The following NOBOX variants were observed in gnomAD, a reference collection of about 807,000 sequenced individuals.
The protein encoded by NOBOX is NOBOX oogenesis homeobox.
A neutral mutation model predicts 60.2 loss-of-function variants in NOBOX; 46 were observed. The observed-to-expected ratio is 0.76, with a 90% CI of 0.60 to 0.98. NOBOX has a LOEUF of 0.98. Among genes scored for constraint, NOBOX ranks in the 50% least tolerant of loss-of-function variants. The pLI, the probability that NOBOX is intolerant of heterozygous loss-of-function variation, is 0.00. For synonymous variants in NOBOX, 360 were observed against 346.3 expected, an observed-to-expected ratio of 1.04 and a Z score of -0.44; for missense variants, 880 against 865.5, an observed-to-expected ratio of 1.02 and a Z score of -0.21.
chr7:144,399,182 G>A lies in NOBOX; in HGVS notation c.1241-4C>T, dbSNP rs922939191. Reference sequence around the variant, plus strand: ...GAAGTCAGCAGCATGGGGGGCTCTAGGAACAGAAGGCAAAGAGGTGCTATA... The same window carrying A: ...GAAGTCAGCAGCATGGGGGGCTCTAAGAACAGAAGGCAAAGAGGTGCTATA... On this transcript the variant is annotated splice_region_variant and splice_polypyrimidine_tract_variant and intron_variant, in intron 7 of 9. Transcript: ENST00000467773. 3 of 1,461,236 alleles carry A rather than the reference G, an allele frequency of 2.1e-6. No individual in the cohort carries two copies. The highest frequency in any genetic ancestry group is 1.2e-5 in the South Asian group (1 of 80,208). 90.5% of individuals were successfully genotyped at this position (1,461,236 alleles called of 1,614,324 possible).
intron 1 of NOBOX, among the ~76,000 whole-genome samples, chr7:144,406,173 C>T (rs1480443969): frequency 1.3e-5 from 2 of 152,228 alleles, no homozygotes; most frequent in Non-Finnish European, 2.9e-5. Context: ...CCAAATTGCC[C>T]ATAGGCTGTA....
At chr7:144,403,874 G>A (rs2053963392) in intron 2 of NOBOX, among the ~76,000 whole-genome samples, 181 bp from the exon 1 acceptor site, 2 of 151,874 alleles carry the variant, frequency 1.3e-5, no homozygotes, top group African/African-American at 4.8e-5. Context: ...GGGAGGCTCG[G>A]CTGGGGCAGC....
chr7:144,404,548 C>A lies in NOBOX; in HGVS notation c.210+8G>T, dbSNP rs945639518. On this transcript the variant is annotated splice_region_variant and intron_variant, in intron 2 of 9. Coordinates refer to ENST00000467773, the MANE Select transcript of NOBOX (RefSeq NM_001080413.3). The stretch of plus-strand genomic sequence containing the variant: ...ACAGGCGTGAGCCACAGCGCTCGCC[C>A]CCCGTACTGATTTGAGGGTCTCCAG... The A allele has an allele frequency of 6.2e-7, 1 of 1,612,744 alleles. No individual in the cohort carries two copies. The highest frequency in any genetic ancestry group is 8.5e-7 in the Non-Finnish European group (1 of 1,179,128).
chr7:144,406,989 T>C (rs2128863562), intron 1 of NOBOX, among the ~76,000 whole-genome samples: 1 of 150,644 alleles, frequency 6.6e-6, no homozygotes, highest in African/African-American at 2.4e-5. Context: ...GGGAGGTATT[T>C]TTTTTTAATT....
Position 144,399,049 on chromosome 7 carries a change from A to C in NOBOX, c.1370T>G (p.Leu457Arg). The C allele has an allele frequency of 3.2e-6, 5 of 1,579,056 alleles. No individual in the cohort carries two copies. Among genetic ancestry groups the C allele is most frequent in the Non-Finnish European group, 4.3e-6 (5 of 1,157,854 alleles). ...CAGTTGGGGGGTGTGGACAGGGCCA[A>C]GGGGGAAAGGAAGATCGGCCCTTCG... The change falls in exon 8 of 10, where the codon CTT becomes CGT. Residue 457 changes from leucine (L) to arginine (R), a missense_variant. By Grantham distance (102) the Leu-to-Arg change is moderately radical (BLOSUM62 -2). Transcript: ENST00000467773.
At chr7:144,400,624 G>A (rs1195348865) in intron 4 of NOBOX, among the ~76,000 whole-genome samples, 1 of 152,166 alleles carries the variant, frequency 6.6e-6, no homozygotes, top group African/African-American at 2.4e-5. Context: ...TGCAACCTCT[G>A]CCTCCCAGGT....
chr7:144,404,564 G>C lies in NOBOX; in HGVS notation c.202C>G (p.Leu68Val), dbSNP rs758931164. 2 of 1,612,972 alleles carry C rather than the reference G, an allele frequency of 1.2e-6. No homozygotes were observed. The stretch of plus-strand genomic sequence containing the variant: ...GCGCTCGCCCCCCGTACTGATTTGA[G>C]GGTCTCCAGAGCACAAAGGCTGCAC... Residue 68 changes from leucine (L) to valine (V), a missense_variant, in exon 2 of 10, where the codon CTC (leucine) becomes GTC (valine). Coordinates refer to ENST00000467773, the MANE Select transcript of NOBOX (RefSeq NM_001080413.3).
At chr7:144,409,683 G>A (rs1041119792) in intron 1 of NOBOX, among the ~76,000 whole-genome samples, 12 of 152,108 alleles carry the variant, frequency 7.9e-5, no homozygotes, top group Admixed American at 3.9e-4. Flanking sequence ...AATACAGCTT[G>A]CATATTTTTC....
intron 2 of NOBOX, chr7:144,404,422 T>G (rs1293211369): frequency 1.6e-5 from 12 of 744,468 alleles, no homozygotes; most frequent in Non-Finnish European, 2.2e-5. Flanking sequence ...TAATTTTTTG[T>G]ATTTTTAGTA....
Position 144,401,995 on chromosome 7 carries a change from T to A in NOBOX, c.211-45A>T. 7.0e-7 allele frequency: 1 copy of A among 1,421,942 alleles called. No individual in the cohort carries two copies. The highest frequency in any genetic ancestry group is 9.9e-7 in the Non-Finnish European group (1 of 1,006,574). The allele number at this position is 1,421,942 out of a possible 1,614,324, so 88.1% of individuals were successfully genotyped here. A position where few individuals can be genotyped will look rare whatever the true frequency, so the allele number is the denominator to read the frequency against. ...ACAAAGAGAAACAGATTGACAGAGA[T>A]TCTGCTTCTCCCAAGGCGGGATGCT... is the stretch of plus-strand genomic sequence containing the variant. On this transcript the variant is annotated intron_variant, in intron 2 of 9. Transcript: ENST00000467773. The surrounding 1 kb of genome is among the most constrained non-coding windows in gnomAD (Gnocchi z 4.2).
chr7:144,398,656 G>A, intron 8 of NOBOX, 70 bp from the exon 7 acceptor site: 8 of 1,153,510 alleles, frequency 6.9e-6, no homozygotes, highest in Non-Finnish European at 8.7e-6. Context: ...CACAGTAGCG[G>A]AGTCCCTACC....
intron 2 of NOBOX, 143 bp from the exon 1 acceptor site, chr7:144,403,836 A>C (rs1449836809): frequency 2.4e-5 from 8 of 338,998 alleles, no homozygotes; most frequent in East Asian, 5.3e-5. Flanking sequence ...CCTCACCCCC[A>C]CCCCCACCCC....
Position 144,410,154 on chromosome 7 carries a change from T to C in NOBOX, c.74A>G (p.Lys25Arg). The C allele has an allele frequency of 1.3e-6, 2 of 1,565,050 alleles. No individual in the cohort carries two copies. Among genetic ancestry groups the C allele is most frequent in the Non-Finnish European group, 1.7e-6 (2 of 1,152,954 alleles). ...GGACATGAGCTCACCCTCCTGGGCTTTGAAGCCATCCTTGTCTCTGGTGTC... is the reference window on the plus strand; with the variant it reads ...GGACATGAGCTCACCCTCCTGGGCTCTGAAGCCATCCTTGTCTCTGGTGTC... Residue 25 changes from lysine to arginine, a missense_variant, in exon 1 of 10, where the codon AAA (lysine) becomes AGA (arginine). Lys to Arg is a conservative substitution (Grantham distance 26, BLOSUM62 2). Transcript: ENST00000467773.
intron 9 of NOBOX, among the ~76,000 whole-genome samples, chr7:144,397,786 T>C (rs1156328751): frequency 6.6e-6 from 1 of 152,108 alleles, no homozygotes; most frequent in Admixed American, 6.5e-5. Context: ...CCAATGCTGT[T>C]TCGTACATGC....
rs1230786236 is a variant in NOBOX, at chr7:144,398,641, C to T, written c.1470-55G>A. ...TGCAGGGGTGGGGGAGCTCCCCGTT[C>T]CTACCACAGTAGCGGAGTCCCTACC... On this transcript the variant is annotated intron_variant, in intron 8 of 9. Coordinates refer to ENST00000467773, the MANE Select transcript of NOBOX (RefSeq NM_001080413.3). 4 of 1,259,508 alleles carry T rather than the reference C, an allele frequency of 3.2e-6. No individual in the cohort carries two copies. The African/African-American group carries it at 4.4e-5, about 14-fold the overall frequency. The allele number at this position is 1,259,508 out of a possible 1,614,324, so 78.0% of individuals were successfully genotyped here.
In NOBOX at chr7:144,399,197, G is replaced by C. The variant is rs765327431; in HGVS notation, c.1241-19C>G. The C allele has an allele frequency of 7.9e-7, 1 of 1,264,506 alleles. No homozygotes were observed. The highest frequency in any genetic ancestry group is 1.8e-5 in the Admixed American group (1 of 54,926). 78.3% of individuals were successfully genotyped at this position (1,264,506 alleles called of 1,614,324 possible). On this transcript the variant is annotated intron_variant, in intron 7 of 9. Transcript: ENST00000467773. The stretch of plus-strand genomic sequence containing the variant: ...GGGGGCTCTAGGAACAGAAGGCAAA[G>C]AGGTGCTATAACGGTAAGGAAATGG...
chr7:144,398,356 C>T lies in NOBOX; in HGVS notation c.1700G>A (p.Gly567Glu). 1 of 1,537,270 alleles carries T rather than the reference C, an allele frequency of 6.5e-7. No individual in the cohort carries two copies. Among genetic ancestry groups the T allele is most frequent in the Non-Finnish European group, 8.7e-7 (1 of 1,146,920 alleles). Residue 567 changes from glycine to glutamate, a missense_variant, in exon 9 of 10, where the codon GGG (glycine) becomes GAG (glutamate). Transcript: ENST00000467773. ...TGGGCAATAGCCCTGCGATGTGCCC[C>T]CGCTGGGGCCACAGGGAAACATAAA...
chr7:144,402,931 A>G (rs1271763762), intron 2 of NOBOX, among the ~76,000 whole-genome samples: 1 of 151,728 alleles, frequency 6.6e-6, no homozygotes, highest in Non-Finnish European at 1.5e-5. Flanking sequence ...TAATTTTTGT[A>G]TTTTTAGTAG....
chr7:144,401,684 C>A lies in NOBOX; in HGVS notation c.293-87G>T. The A allele has an allele frequency of 7.4e-7, 1 of 1,347,448 alleles. No homozygotes were observed. 83.5% of individuals were successfully genotyped at this position (1,347,448 alleles called of 1,614,324 possible). The stretch of plus-strand genomic sequence containing the variant: ...GAAGTGCTGCTTCCTGCTTTGCAAA[C>A]GGTTTGATCTTAAGCTTTAATTTGT... On this transcript the variant is annotated intron_variant, in intron 3 of 9. Transcript: ENST00000467773. This position sits in a 1 kb window ranked among gnomAD's most constrained non-coding sequence, Gnocchi z 4.2.
Sources: allele counts gnomAD v4.1 joint callset (sites outside exome capture counted in the v4.1 genomes callset), GRCh38; gene constraint gnomAD v4.1.1; non-coding constraint Gnocchi (gnomAD v3.1); transcripts MANE v1.5; gene names NCBI Gene and HGNC (gene_info 2026-07-23, HGNC 2026-07-21).